Variants in FSTL5 observed in about 807,000 individuals in gnomAD.
The protein encoded by FSTL5 is follistatin-related protein 5.
In FSTL5, 62 loss-of-function variants were observed where a neutral mutation model predicts 89.1. That is an observed-to-expected ratio of 0.70 (90% CI 0.57 to 0.86). The LOEUF is 0.86. FSTL5 is among the 40% of genes least tolerant of loss of function. The pLI is 0.00. For missense variants in FSTL5, 1,057 were observed against 1,001.6 expected, an observed-to-expected ratio of 1.06 and a Z score of -0.75; for synonymous variants, 383 against 346.2, an observed-to-expected ratio of 1.11 and a Z score of -1.18.
intron 4 of FSTL5, among the ~76,000 whole-genome samples, chr4:161,856,805 G>A (rs748546712): frequency 2.0e-5 from 3 of 152,084 alleles, no homozygotes; most frequent in Non-Finnish European, 4.4e-5. Flanking sequence ...AGGTAAAAAG[G>A]AAATCATGGA....
chr4:161,697,265 G>A (rs887380955), intron 6 of FSTL5, among the ~76,000 whole-genome samples: 18 of 152,046 alleles, frequency 1.2e-4, no homozygotes, highest in African/African-American at 3.9e-4. Context: ...GACTTTTTTT[G>A]TCAAGCCCTG....
At chr4:161,783,101 T>C (rs564549278) in intron 4 of FSTL5, among the ~76,000 whole-genome samples, 22 of 152,266 alleles carry the variant, frequency 1.4e-4, no homozygotes, top group African/African-American at 5.3e-4. Flanking sequence ...CACGATACAA[T>C]GGTGAAATTG....
At chr4:161,959,919 G>A (rs1735125646) in intron 3 of FSTL5, among the ~76,000 whole-genome samples, 1 of 151,974 alleles carries the variant, frequency 6.6e-6, no homozygotes, top group East Asian at 1.9e-4. Context: ...GACCAATTCT[G>A]GCTTCTCCTA....
At chr4:161,593,464 G>T (rs1733900172) in intron 7 of FSTL5, among the ~76,000 whole-genome samples, 1 of 151,084 alleles carries the variant, frequency 6.6e-6, no homozygotes, top group South Asian at 2.1e-4. Context: ...CCTTGAAAAT[G>T]ATAAAAATCT....
chr4:161,632,289 A>G (rs1298428538), intron 7 of FSTL5, among the ~76,000 whole-genome samples: 1 of 152,184 alleles, frequency 6.6e-6, no homozygotes, highest in East Asian at 1.9e-4. Context: ...CTGAGACGGG[A>G]GAATCTCTTG....
At chr4:161,569,799 A>ACACACACACC (rs1458271316) in intron 8 of FSTL5, among the ~76,000 whole-genome samples, 4 of 124,210 alleles carry the variant, frequency 3.2e-5, no homozygotes, top group African/African-American at 1.3e-4. Context: ...ACACACACAC[A>ACACACACACC]CCCCACATTG....
At chr4:161,928,533 C>T (rs780515975) in intron 3 of FSTL5, among the ~76,000 whole-genome samples, 2 of 151,754 alleles carry the variant, frequency 1.3e-5, no homozygotes, top group Non-Finnish European at 2.9e-5. Context: ...GCATTCCCAC[C>T]AGCAATGAAT....
intron 6 of FSTL5, among the ~76,000 whole-genome samples, chr4:161,741,016 T>G (rs1047418418): frequency 6.6e-6 from 1 of 152,148 alleles, no homozygotes; most frequent in Non-Finnish European, 1.5e-5. Context: ...ATCCCATTCA[T>G]AAGGGTTCTG....
intron 15 of FSTL5, 92 bp from the exon 16 acceptor site, chr4:161,386,541 G>A: frequency 1.2e-6 from 1 of 806,774 alleles, no homozygotes; most frequent in Non-Finnish European, 1.9e-6. Context: ...GTCCATCGCA[G>A]GCTCTAATTG....
intron 3 of FSTL5, among the ~76,000 whole-genome samples, chr4:161,953,370 T>C (rs2110958872): frequency 6.6e-6 from 1 of 151,750 alleles, no homozygotes; most frequent in Admixed American, 6.6e-5. Context: ...ATACTTTTAA[T>C]TTTAATCACA....
intron 3 of FSTL5, among the ~76,000 whole-genome samples, chr4:161,947,148 G>GTGTGTC (rs1401883729): frequency 6.6e-6 from 1 of 151,714 alleles, no homozygotes; most frequent in Non-Finnish European, 1.5e-5. Context: ...GTGTATGTGT[G>GTGTGTC]TGTGTGTGTG....
chr4:162,153,574 T>C (rs1388463838), intron 1 of FSTL5, among the ~76,000 whole-genome samples: 2 of 146,206 alleles, frequency 1.4e-5, no homozygotes, highest in South Asian at 2.1e-4. Flanking sequence ...CTAATTTATT[T>C]CTCTTAAAAT....
Position 161,386,448 on chromosome 4 carries a change from ACCTG to A in FSTL5, c.1842-3_1842del, listed in dbSNP as rs1357132005. 1 of 1,591,596 alleles carries A rather than the reference ACCTG, an allele frequency of 6.3e-7. No homozygotes were observed. Among genetic ancestry groups the A allele is most frequent in the Admixed American group, 1.8e-5 (1 of 56,320 alleles). ...TCATCTTTATGAAGAATAAATCCAA[ACCTG>A]AAAAAAATGAAAATCAGAGTTAGAC... On this transcript the variant is annotated splice_acceptor_variant and splice_polypyrimidine_tract_variant and coding_sequence_variant and intron_variant, in exon 16 of 16. Coordinates refer to ENST00000306100, the MANE Select transcript of FSTL5 (RefSeq NM_020116.5). LOFTEE classifies it high-confidence loss of function.
At chr4:161,499,099 G>A (rs1292425863) in intron 12 of FSTL5, among the ~76,000 whole-genome samples, 1 of 152,054 alleles carries the variant, frequency 6.6e-6, no homozygotes, top group African/African-American at 2.4e-5. Context: ...CTACTTGGGA[G>A]GCTGAGGCAG....
chr4:161,574,338 T>G (rs1376580497), intron 8 of FSTL5, among the ~76,000 whole-genome samples: 2 of 148,870 alleles, frequency 1.3e-5, no homozygotes, highest in East Asian at 2.2e-4. Flanking sequence ...TTTTTCTTTT[T>G]TTTTTCTTTT....
intron 2 of FSTL5, among the ~76,000 whole-genome samples, chr4:162,058,455 C>T (rs1203111119): frequency 1.7e-5 from 2 of 117,558 alleles, no homozygotes; most frequent in Admixed American, 2.2e-4. Flanking sequence ...GAGACAGGGT[C>T]TCGCTCTGTC....
At chr4:161,852,610 C>T (rs1731590191) in intron 4 of FSTL5, among the ~76,000 whole-genome samples, 1 of 152,030 alleles carries the variant, frequency 6.6e-6, no homozygotes. Context: ...CCCATTACTG[C>T]ATATATACTC....
At chr4:161,766,061 T>C (rs940805490) in intron 5 of FSTL5, among the ~76,000 whole-genome samples, 2 of 152,172 alleles carry the variant, frequency 1.3e-5, no homozygotes, top group African/African-American at 4.8e-5. Flanking sequence ...CCAAAGTTGA[T>C]GAGATTACAG....
intron 4 of FSTL5, among the ~76,000 whole-genome samples, chr4:161,914,093 A>G (rs1733773491): frequency 6.6e-6 from 1 of 152,176 alleles, no homozygotes; most frequent in Non-Finnish European, 1.5e-5. Flanking sequence ...TCTCAATTTG[A>G]ATTGTATCTC....
Sources: allele counts gnomAD v4.1 joint callset (sites outside exome capture counted in the v4.1 genomes callset), GRCh38; gene constraint gnomAD v4.1.1; transcripts MANE v1.5; gene names NCBI Gene and HGNC (gene_info 2026-07-23, HGNC 2026-07-21).